The following ZNRF3 variants were observed in gnomAD, a reference collection of about 807,000 sequenced individuals.
The protein encoded by ZNRF3 is E3 ubiquitin-protein ligase ZNRF3.
Under a neutral mutation model 72.5 loss-of-function variants are expected in ZNRF3, and 23 were observed. The observed-to-expected ratio is 0.32, with a 90% CI of 0.23 to 0.45. The LOEUF (loss-of-function observed/expected upper bound fraction) is 0.45. Ranked by LOEUF, ZNRF3 falls within the 20% of genes least tolerant of loss-of-function variation. The pLI is 1.00. For missense variants in ZNRF3, 1,169 were observed against 1,272.1 expected (o/e 0.92, Z 1.23); for synonymous variants, 610 against 545.3 (o/e 1.12, Z -1.65).
rs1286886870 is a variant in ZNRF3 at position 29,056,117 on chromosome 22, T to C, written c.*2495T>C. 3 of 151,890 alleles carry C rather than the reference T, an allele frequency of 2.0e-5. No homozygotes were observed. Among genetic ancestry groups the C allele is most frequent in the Non-Finnish European group, 4.4e-5 (3 of 67,984 alleles). The allele number at this position is 151,890 out of a possible 1,614,324, so 9.4% of individuals were successfully genotyped here. On this transcript the variant is annotated 3_prime_UTR_variant, in exon 9 of 9. Coordinates refer to ENST00000544604, the MANE Select transcript of ZNRF3 (RefSeq NM_001206998.2). Reference sequence around the variant, plus strand: ...ATACCAACCATTGCCTTTTTTTTTTTTGAGATGGAATTTTGCTCTTGTCAC... The same window carrying C: ...ATACCAACCATTGCCTTTTTTTTTTCTGAGATGGAATTTTGCTCTTGTCAC...
chr22:28,994,314 G>A (rs1266082415), intron 2 of ZNRF3, among the ~76,000 whole-genome samples: 1 of 150,188 alleles, frequency 6.7e-6, no homozygotes. Flanking sequence ...AGCCTCCTGA[G>A]TAGCTGGGAT....
intron 2 of ZNRF3, among the ~76,000 whole-genome samples, chr22:29,037,449 A>T (rs2036887054): frequency 6.6e-6 from 1 of 152,216 alleles, no homozygotes; most frequent in Non-Finnish European, 1.5e-5. Context: ...ACCACATAAC[A>T]TTCACAGTCA....
At chr22:28,898,629 T>A (rs1044672740) in intron 1 of ZNRF3, among the ~76,000 whole-genome samples, 1 of 152,260 alleles carries the variant, frequency 6.6e-6, no homozygotes, top group African/African-American at 2.4e-5. Flanking sequence ...GAATGACCCA[T>A]CAGAAACAAA....
intron 1 of ZNRF3, among the ~76,000 whole-genome samples, chr22:28,927,294 G>A (rs949717630): frequency 6.6e-6 from 1 of 151,838 alleles, no homozygotes; most frequent in Admixed American, 6.6e-5. Context: ...GGTGGCTCAC[G>A]CCTGTAATCC....
rs2037275915 is a variant in ZNRF3, at chr22:29,055,033, ATAT to A, written c.*1413_*1415del. ...TTACACCCAAAGGGTAGGTTTTTGT[ATAT>A]TTTTCCAGCCTTTTTTATTAAGGGG... On this transcript the variant is annotated 3_prime_UTR_variant, in exon 9 of 9. Coordinates refer to ENST00000544604, the MANE Select transcript of ZNRF3 (RefSeq NM_001206998.2). The A allele has an allele frequency of 6.6e-6, 1 of 152,642 alleles. No homozygotes were observed. Among genetic ancestry groups the A allele is most frequent in the Admixed American group, 6.5e-5 (1 of 15,276 alleles). 9.5% of individuals were successfully genotyped at this position (152,642 alleles called of 1,614,324 possible).
rs2281193 is a variant in ZNRF3, at chr22:28,885,021, A to T, written c.300+955A>T. ...AATATGCGCGCCTCGGATGGGGGCG[A>T]TTCGTAAAGGTTGGCTTGTCTTTGA... On this transcript the variant is annotated intron_variant, in intron 1 of 8. Transcript: ENST00000544604. Among the ~76,000 whole-genome samples the T allele has an allele frequency of 3.1e-3, 470 of 152,250 alleles. 18 individuals carry two copies. The East Asian group carries it at 0.067, about 22-fold the overall frequency.
chr22:28,989,442 A>T (rs1174138052), intron 2 of ZNRF3, among the ~76,000 whole-genome samples: 1 of 152,130 alleles, frequency 6.6e-6, no homozygotes, highest in African/African-American at 2.4e-5. Flanking sequence ...TAACTTTGAC[A>T]ACTGCGTTTT....
At chr22:28,978,235 T>C (rs1459639818) in intron 1 of ZNRF3, among the ~76,000 whole-genome samples, 1 of 152,242 alleles carries the variant, frequency 6.6e-6, no homozygotes, top group African/African-American at 2.4e-5. Flanking sequence ...CTAGAGGTTA[T>C]ATCTGTATCT....
intron 1 of ZNRF3, among the ~76,000 whole-genome samples, chr22:28,888,636 A>G (rs1387018206): frequency 6.6e-6 from 1 of 151,948 alleles, no homozygotes. Flanking sequence ...AAGGGAAAGT[A>G]GTGATGGTTT....
chr22:29,030,783 GGGA>G lies in ZNRF3; in HGVS notation c.427-11710_427-11708del. Among the ~76,000 whole-genome samples the G allele has an allele frequency of 4.6e-5, 7 of 152,256 alleles. No individual in the cohort carries two copies. The highest frequency in any genetic ancestry group is 1.7e-4 in the African/African-American group (7 of 41,552). On this transcript the variant is annotated intron_variant, in intron 2 of 8. Coordinates refer to ENST00000544604, the MANE Select transcript of ZNRF3 (RefSeq NM_001206998.2). This position sits in a 1 kb window ranked among gnomAD's most constrained non-coding sequence, Gnocchi z 4.2. ...CCCTGCAGGGCGGTACACGACGGGT[GGGA>G]GTGGGGAGGAGGAGGGCTCCTGGCG...
intron 1 of ZNRF3, among the ~76,000 whole-genome samples, chr22:28,923,832 ATG>A (rs2034549088): frequency 1.3e-5 from 2 of 152,258 alleles, no homozygotes; most frequent in Non-Finnish European, 2.9e-5. Context: ...GAGATGGTGT[ATG>A]TGTTTCACTG....
At chr22:28,971,198 GTTT>G (rs569851625) in intron 1 of ZNRF3, among the ~76,000 whole-genome samples, 3 of 145,726 alleles carry the variant, frequency 2.1e-5, no homozygotes, top group African/African-American at 7.6e-5. Flanking sequence ...CTAAAAAAAT[GTTT>G]TTTTTTTTAA....
chr22:28,903,095 C>A (rs1456958872), intron 1 of ZNRF3, among the ~76,000 whole-genome samples: 1 of 152,266 alleles, frequency 6.6e-6, no homozygotes, highest in East Asian at 1.9e-4. Flanking sequence ...GCAAGAGGTG[C>A]AGGCTGCTCA....
At chr22:28,888,776 G>C (rs2033834400) in intron 1 of ZNRF3, among the ~76,000 whole-genome samples, 1 of 152,234 alleles carries the variant, frequency 6.6e-6, no homozygotes, top group South Asian at 2.1e-4. Flanking sequence ...AGAGAAGCAA[G>C]TTGAGTTCTC....
At chr22:28,977,846 T>C (rs2035702575) in intron 1 of ZNRF3, among the ~76,000 whole-genome samples, 2 of 152,242 alleles carry the variant, frequency 1.3e-5, no homozygotes, top group African/African-American at 4.8e-5. Flanking sequence ...ATGTGGAAAG[T>C]GCACCAGTAT....
intron 2 of ZNRF3, among the ~76,000 whole-genome samples, chr22:29,040,657 AATC>A (rs1332753204): frequency 6.6e-6 from 1 of 152,234 alleles, no homozygotes; most frequent in East Asian, 1.9e-4. Flanking sequence ...TGTGGTGGAC[AATC>A]GGCAGAGACT....
chr22:28,896,241 T>C (rs971471755), intron 1 of ZNRF3, among the ~76,000 whole-genome samples: 44 of 152,376 alleles, frequency 2.9e-4, no homozygotes, highest in African/African-American at 1.1e-3. Flanking sequence ...TTCAAGCGAT[T>C]CTCCTGCCTC....
intron 2 of ZNRF3, among the ~76,000 whole-genome samples, chr22:29,007,490 T>A (rs868395265): frequency 2.0e-5 from 3 of 151,422 alleles, no homozygotes; most frequent in African/African-American, 4.8e-5. Context: ...TTTTTTTTTT[T>A]AAACTAGCTG....
rs537674507 is a variant in ZNRF3, at chr22:29,021,649, G to A, written c.427-20846G>A. 2.6e-5 allele frequency among the ~76,000 whole-genome samples: 4 copies of A among 152,028 alleles called. No homozygotes were observed. The East Asian group carries it at 7.8e-4, about 30-fold the overall frequency. ...ATTACAGGCACGCGCCACCATGCCC[G>A]GCTAATTTTTGTATATTTAGTAGAG... On this transcript the variant is annotated intron_variant, in intron 2 of 8. Transcript: ENST00000544604.
Sources: gnomAD v4.1 joint callset for allele counts (sites outside exome capture counted in the v4.1 genomes callset) on GRCh38, gnomAD v4.1.1 for gene constraint, Gnocchi (gnomAD v3.1) non-coding constraint, MANE v1.5 for transcripts, NCBI Gene and HGNC (gene_info 2026-07-23, HGNC 2026-07-21) for gene names.